The following WWOX variants were observed in gnomAD, a reference collection of about 807,000 sequenced individuals.
The protein encoded by WWOX is WW domain-containing oxidoreductase.
In WWOX, 69 loss-of-function variants were observed where a neutral mutation model predicts 46.2. That is an observed-to-expected ratio of 1.49 (90% CI 1.23 to 1.82). WWOX has a LOEUF of 1.82. Ranked by LOEUF, WWOX falls within the 40% of genes most tolerant of loss-of-function variation. The probability of loss-of-function intolerance (pLI) is 0.00; values close to 1 mark genes in which losing one functional copy is unlikely to be tolerated. For missense variants in WWOX, 919 were observed against 542.6 expected, an observed-to-expected ratio of 1.69 and a Z score of -6.89; for synonymous variants, 359 against 202.6, an observed-to-expected ratio of 1.77 and a Z score of -6.56.
At chr16:78,690,978 T>C (rs2047973339) in intron 8 of WWOX, among the ~76,000 whole-genome samples, 1 of 152,310 alleles carries the variant, frequency 6.6e-6, no homozygotes, top group African/African-American at 2.4e-5. Context: ...TCAATCTATA[T>C]GTCCAACGCC....
At chr16:78,173,260 G>T (rs1433301330) in intron 5 of WWOX, among the ~76,000 whole-genome samples, 1 of 152,106 alleles carries the variant, frequency 6.6e-6, no homozygotes, top group Non-Finnish European at 1.5e-5. Context: ...AACTCACTCG[G>T]TGTCCCTGGG....
chr16:78,544,806 T>C (rs1275275298), intron 8 of WWOX, among the ~76,000 whole-genome samples: 2 of 152,082 alleles, frequency 1.3e-5, no homozygotes, highest in African/African-American at 2.4e-5. Flanking sequence ...GCCCAGAAGT[T>C]CAAGGCTGCA....
At chr16:78,432,816 C>A in intron 8 of WWOX, 64 bp downstream of exon 8, 1 of 1,611,562 alleles carries the variant, frequency 6.2e-7, no homozygotes, top group Non-Finnish European at 8.5e-7. Context: ...ACACTTGTGT[C>A]TCCACCTTTT....
chr16:78,270,001 A>T (rs1284556284), intron 5 of WWOX, among the ~76,000 whole-genome samples: 2 of 146,134 alleles, frequency 1.4e-5, no homozygotes, highest in African/African-American at 5.1e-5. Flanking sequence ...TCTGTTTTTA[A>T]CTAAAGATAC....
chr16:79,012,501 C>T (rs1272884152), intron 8 of WWOX, among the ~76,000 whole-genome samples: 2 of 152,146 alleles, frequency 1.3e-5, no homozygotes, highest in East Asian at 3.9e-4. Context: ...TCCTAAAGTA[C>T]TGGGATTACA....
At chr16:78,505,618 C>G (rs1877282) in intron 8 of WWOX, among the ~76,000 whole-genome samples, 134,881 of 152,114 alleles carry the variant, frequency 0.89, 60,735 homozygotes, top group Non-Finnish European at 0.97. Flanking sequence ...CAAAAAATCA[C>G]GCTTCTGGCT....
chr16:79,092,006 C>G (rs757553183), intron 8 of WWOX, among the ~76,000 whole-genome samples: 19 of 152,174 alleles, frequency 1.2e-4, no homozygotes, highest in South Asian at 2.1e-4. Context: ...GTCTCGATCT[C>G]TTGACCTCGT....
intron 8 of WWOX, among the ~76,000 whole-genome samples, chr16:78,651,660 C>A (rs891861727): frequency 6.6e-6 from 1 of 152,246 alleles, no homozygotes; most frequent in South Asian, 2.1e-4. Flanking sequence ...GCCATGACCA[C>A]TGCCTCCCCT....
intron 5 of WWOX, among the ~76,000 whole-genome samples, chr16:78,338,300 C>T (rs1168505375): frequency 2.5e-5 from 3 of 121,670 alleles, no homozygotes; most frequent in Admixed American, 8.0e-5. Context: ...TAGACACCAA[C>T]ACCCTCATGG....
intron 4 of WWOX, among the ~76,000 whole-genome samples, chr16:78,135,185 C>G (rs569492901): frequency 1.3e-5 from 2 of 152,216 alleles, no homozygotes; most frequent in African/African-American, 4.8e-5. Flanking sequence ...AACTCACCCA[C>G]GTGCAACAAC....
At chr16:79,188,489 A>G (rs1459774434) in intron 8 of WWOX, among the ~76,000 whole-genome samples, 1 of 152,234 alleles carries the variant, frequency 6.6e-6, no homozygotes, top group Non-Finnish European at 1.5e-5. Context: ...TAGGAGGTTC[A>G]GCACGCATTG....
chr16:79,131,089 G>A (rs866051053), intron 8 of WWOX, among the ~76,000 whole-genome samples: 2 of 152,150 alleles, frequency 1.3e-5, no homozygotes, highest in African/African-American at 2.4e-5. Flanking sequence ...CTCCTGAAAA[G>A]TGGGCTTTCT....
intron 5 of WWOX, among the ~76,000 whole-genome samples, chr16:78,171,509 C>G (rs185613678): frequency 6.6e-6 from 1 of 152,058 alleles, no homozygotes; most frequent in Non-Finnish European, 1.5e-5. Context: ...GGGTAAAATA[C>G]GAGCCTCATG....
rs567464025 is a variant in WWOX, at chr16:78,544,321, T to C, written c.1056+111569T>C. Among the ~76,000 whole-genome samples the C allele has an allele frequency of 1.4e-3, 209 of 152,340 alleles. 1 individual carries two copies. Among genetic ancestry groups the C allele is most frequent in the African/African-American group, 4.8e-3 (201 of 41,584 alleles). Reference sequence around the variant, plus strand: ...AAAATCCAACTCCTTAATAATACAATCATAGTTACCATTTATTGAGAGCAC... The same window carrying C: ...AAAATCCAACTCCTTAATAATACAACCATAGTTACCATTTATTGAGAGCAC... On this transcript the variant is annotated intron_variant, in intron 8 of 8. Coordinates refer to ENST00000566780, the MANE Select transcript of WWOX (RefSeq NM_016373.4).
intron 8 of WWOX, among the ~76,000 whole-genome samples, chr16:78,992,781 G>C (rs1355007281): frequency 6.6e-6 from 1 of 152,158 alleles, no homozygotes; most frequent in Non-Finnish European, 1.5e-5. Flanking sequence ...TGTCCTCTGA[G>C]CCCTCCTTGA....
chr16:79,021,395 C>A (rs1027191655), intron 8 of WWOX, among the ~76,000 whole-genome samples: 1 of 152,078 alleles, frequency 6.6e-6, no homozygotes, highest in Non-Finnish European at 1.5e-5. Flanking sequence ...GCATTTGGTG[C>A]CCTTTGCAGA....
At chr16:78,823,921 G>A (rs780484717) in intron 8 of WWOX, among the ~76,000 whole-genome samples, 27 of 152,064 alleles carry the variant, frequency 1.8e-4, no homozygotes, top group Middle Eastern at 3.4e-3. Context: ...GACTACAGGC[G>A]AGAGCCACCA....
intron 8 of WWOX, among the ~76,000 whole-genome samples, chr16:78,945,903 C>T (rs1043876118): frequency 6.6e-6 from 1 of 152,080 alleles, no homozygotes; most frequent in Non-Finnish European, 1.5e-5. Flanking sequence ...GCCCTTGTGA[C>T]CTTGAACATG....
intron 1 of WWOX, among the ~76,000 whole-genome samples, chr16:78,100,706 C>G (rs4887936): frequency 7.2e-5 from 11 of 152,126 alleles, no homozygotes; most frequent in African/African-American, 2.2e-4. Context: ...TGGGTTGATA[C>G]GAGGGTCAGT....
Sources: gnomAD v4.1 joint callset for allele counts (sites outside exome capture counted in the v4.1 genomes callset) on GRCh38, gnomAD v4.1.1 for gene constraint, MANE v1.5 for transcripts, NCBI Gene and HGNC (gene_info 2026-07-23, HGNC 2026-07-21) for gene names.